ITSN2: variants seen among roughly 807,000 people sequenced by gnomAD.
ITSN2 encodes intersectin-2.
Under a neutral mutation model 243.7 loss-of-function variants are expected in ITSN2, and 156 were observed. The ratio of observed to expected loss-of-function variants is 0.64; its 90% CI spans 0.56 to 0.73. ITSN2 has a LOEUF of 0.73. ITSN2 is among the 30% of genes least tolerant of loss of function. The pLI is 0.00. For missense variants in ITSN2, 1,801 were observed against 1,996.1 expected (o/e 0.90, Z 1.86); for synonymous variants, 703 against 699.9 (o/e 1.00, Z -0.07).
chr2:24,234,825 T>G (rs1236346846), intron 29 of ITSN2, among the ~76,000 whole-genome samples: 1 of 152,174 alleles, frequency 6.6e-6, no homozygotes, highest in African/African-American at 2.4e-5. Context: ...ATGGCCAGAA[T>G]CTGTAACACT....
chr2:24,204,014 G>C lies in ITSN2; in HGVS notation c.4936+231C>G. On this transcript the variant is annotated intron_variant, in intron 39 of 39. Transcript: ENST00000355123. This position sits in a 1 kb window ranked among gnomAD's most constrained non-coding sequence, Gnocchi z 5.1. Reference sequence around the variant, plus strand: ...CCATTCTGAGAATGCTCCAGGAGTGGTGTTCACGTCGTGTGTGTAGGGAGT... The same window carrying C: ...CCATTCTGAGAATGCTCCAGGAGTGCTGTTCACGTCGTGTGTGTAGGGAGT... The C allele has an allele frequency of 1.6e-6, 1 of 629,168 alleles. No homozygotes were observed. The highest frequency in any genetic ancestry group is 2.7e-5 in the East Asian group (1 of 36,392). 39.0% of individuals were successfully genotyped at this position (629,168 alleles called of 1,614,324 possible). A position where few individuals can be genotyped will look rare whatever the true frequency, so the allele number is the denominator to read the frequency against.
At position 24,248,650 on chromosome 2, in the gene ITSN2, C is replaced by A. The variant is rs764979979; in HGVS notation, c.3267G>T (p.Gly1089=). Reference sequence around the variant, plus strand: ...TTACCTGTAACTCTCCTTGCCACCACCCACTTGTATTTTTCTTTAGAATTA... The same window carrying A: ...TTACCTGTAACTCTCCTTGCCACCAACCACTTGTATTTTTCTTTAGAATTA... ...LILILKKNTS[G]WWQGELQARG... is the part of the protein sequence containing the mutation. The change falls in exon 27 of 40, where the codon GGG becomes GGT. Residue 1089 remains glycine (G), a synonymous_variant. Coordinates refer to ENST00000355123, the MANE Select transcript of ITSN2 (RefSeq NM_006277.3). 1 of 1,609,250 alleles carries A rather than the reference C, an allele frequency of 6.2e-7. No homozygotes were observed. The highest frequency in any genetic ancestry group is 1.1e-5 in the South Asian group (1 of 90,410).
At chr2:24,317,172 G>A (rs1057069753) in intron 2 of ITSN2, among the ~76,000 whole-genome samples, 1 of 152,158 alleles carries the variant, frequency 6.6e-6, no homozygotes, top group Non-Finnish European at 1.5e-5. Flanking sequence ...CCTGAGGTCA[G>A]GAGTTCAAGA....
intron 2 of ITSN2, among the ~76,000 whole-genome samples, chr2:24,327,714 T>A (rs891804369): frequency 6.6e-6 from 1 of 152,222 alleles, no homozygotes; most frequent in African/African-American, 2.4e-5. Context: ...TTTATTGGCT[T>A]CATCGGTTTA....
chr2:24,335,144 C>A, intron 1 of ITSN2: 1 of 217,230 alleles, frequency 4.6e-6, no homozygotes, highest in South Asian at 7.4e-5. Flanking sequence ...CCAAGTGACC[C>A]AGTTCTAAGT....
chr2:24,308,723 G>A lies in ITSN2; in HGVS notation c.687C>T (p.Asn229=), dbSNP rs1461390060. 1 of 1,506,926 alleles carries A rather than the reference G, an allele frequency of 6.6e-7. No homozygotes were observed. Among genetic ancestry groups the A allele is most frequent in the Non-Finnish European group, 8.9e-7 (1 of 1,121,878 alleles). 93.3% of individuals were successfully genotyped at this position (1,506,926 alleles called of 1,614,324 possible). A position where few individuals can be genotyped will look rare whatever the true frequency, so the allele number is the denominator to read the frequency against. The change falls in exon 8 of 40, where the codon AAC becomes AAT. Residue 229 remains asparagine (N), a synonymous_variant. Transcript: ENST00000355123. The stretch of plus-strand genomic sequence containing the variant: ...ACTCTGAGGTCCCAGTCTTGGGTGA[G>A]TTCCCTGAGAGTGAAGCAGTCGAGG... ...STSSTASLSG[N]SPKTGTSEWA...
chr2:24,315,419 A>G (rs1324061374), intron 2 of ITSN2, among the ~76,000 whole-genome samples, 195 bp from the exon 3 acceptor site: 1 of 152,258 alleles, frequency 6.6e-6, no homozygotes, highest in Non-Finnish European at 1.5e-5. Flanking sequence ...ATTAACGTCT[A>G]TTGAACAAGT....
chr2:24,279,444 T>G (rs2151509458), intron 17 of ITSN2, among the ~76,000 whole-genome samples: 1 of 152,358 alleles, frequency 6.6e-6, no homozygotes, highest in Middle Eastern at 3.4e-3. Context: ...TGAGGGAAAG[T>G]AATTTTGTTT....
intron 27 of ITSN2, among the ~76,000 whole-genome samples, chr2:24,247,531 T>G (rs1447061036): frequency 1.3e-5 from 2 of 152,130 alleles, no homozygotes; most frequent in African/African-American, 4.8e-5. Context: ...AAATTTGGAA[T>G]TGGTTTCAAA....
intron 17 of ITSN2, among the ~76,000 whole-genome samples, chr2:24,281,621 G>A (rs556215135): frequency 2.6e-5 from 4 of 152,328 alleles, no homozygotes; most frequent in Non-Finnish European, 5.9e-5. Flanking sequence ...TAGGCATACT[G>A]TTTTCAATTT....
chr2:24,216,001 C>G, intron 32 of ITSN2, 48 bp downstream of exon 32: 2 of 1,457,276 alleles, frequency 1.4e-6, no homozygotes, highest in Non-Finnish European at 1.9e-6. Flanking sequence ...GTGCTGTTGC[C>G]TCCAGCCTCA....
chr2:24,337,323 T>TATATACAC (rs1553395927), intron 1 of ITSN2, among the ~76,000 whole-genome samples: 2 of 89,428 alleles, frequency 2.2e-5, no homozygotes. Flanking sequence ...AAAATATATA[T>TATATACAC]ATATATATAT....
chr2:24,270,871 A>C (rs1677254662), intron 19 of ITSN2, 103 bp from the exon 20 acceptor site: 4 of 628,072 alleles, frequency 6.4e-6, no homozygotes. Flanking sequence ...CAAGCACCAA[A>C]TACTACAATG....
chr2:24,313,434 T>G (rs765663860), intron 4 of ITSN2, 26 bp downstream of exon 4: 5 of 1,588,784 alleles, frequency 3.1e-6, no homozygotes, highest in Non-Finnish European at 4.3e-6. Flanking sequence ...TATCAGAAAA[T>G]TAGGTTCATC....
intron 20 of ITSN2, among the ~76,000 whole-genome samples, chr2:24,268,148 T>C (rs1287401859): frequency 6.6e-6 from 1 of 152,192 alleles, no homozygotes; most frequent in Non-Finnish European, 1.5e-5. Flanking sequence ...CATTAACAGA[T>C]TAGAAGGCTA....
At chr2:24,301,440 G>A (rs1681717569) in intron 10 of ITSN2, among the ~76,000 whole-genome samples, 1 of 152,044 alleles carries the variant, frequency 6.6e-6, no homozygotes. Flanking sequence ...TCACAGTTCA[G>A]CTAATTTTGG....
intron 20 of ITSN2, among the ~76,000 whole-genome samples, chr2:24,267,856 A>C (rs1013481556): frequency 2.0e-4 from 31 of 152,184 alleles, no homozygotes; most frequent in Admixed American, 7.2e-4. Context: ...CACCTGGCCA[A>C]AAGCTTTTAA....
At chr2:24,237,816 G>T (rs1037348187) in intron 29 of ITSN2, among the ~76,000 whole-genome samples, 4 of 152,110 alleles carry the variant, frequency 2.6e-5, no homozygotes, top group African/African-American at 9.7e-5. Flanking sequence ...CCACGATCAG[G>T]CCGAACTTCA....
intron 17 of ITSN2, among the ~76,000 whole-genome samples, chr2:24,281,575 A>G (rs1370348698): frequency 6.6e-6 from 1 of 152,238 alleles, no homozygotes; most frequent in Non-Finnish European, 1.5e-5. Context: ...GCTTATACCT[A>G]AACAGCTGAA....
Sources: allele counts gnomAD v4.1 joint callset (sites outside exome capture counted in the v4.1 genomes callset), GRCh38; gene constraint gnomAD v4.1.1; non-coding constraint Gnocchi (gnomAD v3.1); transcripts MANE v1.5; gene names NCBI Gene and HGNC (gene_info 2026-07-23, HGNC 2026-07-21).